SNX29: variants seen among roughly 807,000 people sequenced by gnomAD.
The protein encoded by SNX29 is sorting nexin-29.
A neutral mutation model predicts 102.1 loss-of-function variants in SNX29; 78 were observed. That is an observed-to-expected ratio of 0.76 (90% CI 0.64 to 0.92). The LOEUF is 0.92. Ranked by LOEUF, SNX29 falls within the 40% of genes least tolerant of loss-of-function variation. SNX29 has a pLI of 0.00. For synonymous variants in SNX29, 580 were observed against 414.5 expected (o/e 1.40, Z -4.85); for missense variants, 1,280 against 1,061.7 (o/e 1.21, Z -2.86).
At chr16:12,534,407 C>G (rs2077014763) in intron 20 of SNX29, among the ~76,000 whole-genome samples, 1 of 152,344 alleles carries the variant, frequency 6.6e-6, no homozygotes, top group Middle Eastern at 3.4e-3. Flanking sequence ...TTCTTGTCCT[C>G]TGTGTAGCCA....
intron 20 of SNX29, among the ~76,000 whole-genome samples, chr16:12,545,137 A>C (rs2077529703): frequency 6.6e-6 from 1 of 152,214 alleles, no homozygotes; most frequent in African/African-American, 2.4e-5. Context: ...CTTACCTAGC[A>C]CAGCTATGAA....
chr16:12,082,064 G>A (rs1362097291), intron 11 of SNX29, among the ~76,000 whole-genome samples: 1 of 152,234 alleles, frequency 6.6e-6, no homozygotes, highest in African/African-American at 2.4e-5. Flanking sequence ...CCTGTGACTT[G>A]CTGGGATCTA....
In SNX29 at chr16:12,570,871, T is replaced by TA. The variant is rs745943919; in HGVS notation, c.*2242_*2243insA. The TA allele has an allele frequency of 1.7e-5, 4 of 231,832 alleles. No homozygotes were observed. The highest frequency in any genetic ancestry group is 2.6e-5 in the Non-Finnish European group (3 of 117,308). 14.4% of individuals were successfully genotyped at this position (231,832 alleles called of 1,614,324 possible). On this transcript the variant is annotated 3_prime_UTR_variant, in exon 21 of 21. Coordinates refer to ENST00000566228, the MANE Select transcript of SNX29 (RefSeq NM_032167.5). The stretch of plus-strand genomic sequence containing the variant: ...ACTGGTGGGAGAAACTGCCTCCTAC[T>TA]TTTATAATACTGAATTATTCACAAA...
chr16:12,313,085 C>CT (rs780665303), intron 15 of SNX29, among the ~76,000 whole-genome samples: 3 of 151,720 alleles, frequency 2.0e-5, no homozygotes, highest in Admixed American at 1.3e-4. Context: ...GCGATCTCGG[C>CT]TTACTACAAC....
chr16:12,234,942 C>T (rs1338161804), intron 14 of SNX29, among the ~76,000 whole-genome samples: 6 of 150,890 alleles, frequency 4.0e-5, no homozygotes, highest in Admixed American at 3.9e-4. Flanking sequence ...GTTTCTCTCT[C>T]CTTTTCACCC....
At chr16:12,212,023 C>A (rs566346600) in intron 14 of SNX29, among the ~76,000 whole-genome samples, 1 of 152,030 alleles carries the variant, frequency 6.6e-6, no homozygotes, top group Non-Finnish European at 1.5e-5. Context: ...GTCTGTTAAA[C>A]CCATGCTTTC....
chr16:12,474,837 G>A (rs2087516582), intron 18 of SNX29, among the ~76,000 whole-genome samples: 1 of 152,200 alleles, frequency 6.6e-6, no homozygotes, highest in Non-Finnish European at 1.5e-5. Context: ...AGGTGCTAGG[G>A]CCTGTAAAAG....
chr16:12,559,010 A>G (rs189971339), intron 20 of SNX29, among the ~76,000 whole-genome samples: 118 of 152,250 alleles, frequency 7.8e-4, no homozygotes, highest in African/African-American at 2.8e-3. Context: ...TATGGGGGAG[A>G]GAGACAAAAG....
chr16:12,561,617 A>AC lies in SNX29; in HGVS notation c.2319-6885dup, dbSNP rs574036755. ...CTGGTGACAGGACACAACGCAGTGTACCCCAAGAGGCTTATTAAAAAGAAC... is the reference window on the plus strand; with the variant it reads ...CTGGTGACAGGACACAACGCAGTGTACCCCCAAGAGGCTTATTAAAAAGAAC... On this transcript the variant is annotated intron_variant, in intron 20 of 20. Coordinates refer to ENST00000566228, the MANE Select transcript of SNX29 (RefSeq NM_032167.5). 3.6e-3 allele frequency among the ~76,000 whole-genome samples: 542 copies of AC among 152,170 alleles called. 2 individuals carry two copies. Among genetic ancestry groups the AC allele is most frequent in the African/African-American group, 0.012 (510 of 41,560 alleles).
At chr16:11,995,556 C>T (rs530767258) in intron 1 of SNX29, among the ~76,000 whole-genome samples, 1 of 151,552 alleles carries the variant, frequency 6.6e-6, no homozygotes, top group Non-Finnish European at 1.5e-5. Flanking sequence ...TTCTTCCCCC[C>T]CCACCCCATC....
At chr16:12,537,216 C>G (rs891066360) in intron 20 of SNX29, among the ~76,000 whole-genome samples, 4 of 152,156 alleles carry the variant, frequency 2.6e-5, no homozygotes, top group African/African-American at 7.2e-5. Flanking sequence ...AGCTTAGAGA[C>G]CAGACTGCAA....
At chr16:12,519,796 G>T (rs1306905003) in intron 19 of SNX29, among the ~76,000 whole-genome samples, 2 of 151,996 alleles carry the variant, frequency 1.3e-5, no homozygotes, top group African/African-American at 2.4e-5. Context: ...TCACCTGAGG[G>T]CAGGAGTTCG....
intron 16 of SNX29, among the ~76,000 whole-genome samples, chr16:12,362,377 A>G (rs913196028): frequency 6.6e-6 from 1 of 152,210 alleles, no homozygotes; most frequent in East Asian, 1.9e-4. Context: ...GGCTTTGGAA[A>G]GGGTGACCAC....
intron 3 of SNX29, among the ~76,000 whole-genome samples, chr16:12,019,350 G>GGC (rs1006455884): frequency 1.3e-5 from 2 of 152,040 alleles, no homozygotes; most frequent in African/African-American, 2.4e-5. Context: ...TGGGACTACA[G>GGC]GCCCGCCACC....
chr16:12,228,846 G>A (rs1188637999), intron 14 of SNX29, among the ~76,000 whole-genome samples: 1 of 152,236 alleles, frequency 6.6e-6, no homozygotes, highest in African/African-American at 2.4e-5. Context: ...GCCACATGGC[G>A]AGTCAAGAGC....
At chr16:12,554,319 A>C (rs1032018359) in intron 20 of SNX29, among the ~76,000 whole-genome samples, 1 of 152,180 alleles carries the variant, frequency 6.6e-6, no homozygotes. Context: ...TTTAACTAAA[A>C]TGGGACCAGA....
intron 14 of SNX29, among the ~76,000 whole-genome samples, chr16:12,208,343 G>T (rs911434654): frequency 6.6e-6 from 1 of 152,220 alleles, no homozygotes; most frequent in South Asian, 2.1e-4. Context: ...ACTCAGAGGT[G>T]TGTGGTCTCC....
intron 20 of SNX29, chr16:12,527,197 G>C (rs61740759): frequency 6.4e-5 from 34 of 533,498 alleles, no homozygotes; most frequent in Non-Finnish European, 9.8e-5. Context: ...GGAATGTACG[G>C]ATTGTTTCAT....
intron 20 of SNX29, among the ~76,000 whole-genome samples, chr16:12,564,563 T>A: frequency 6.6e-6 from 1 of 152,200 alleles, no homozygotes. Context: ...CCCATTCTTA[T>A]GGATTGCCAT....
Sources: allele counts gnomAD v4.1 joint callset (sites outside exome capture counted in the v4.1 genomes callset), GRCh38; gene constraint gnomAD v4.1.1; transcripts MANE v1.5; gene names NCBI Gene and HGNC (gene_info 2026-07-23, HGNC 2026-07-21).